The following PIDD1 variants were observed in gnomAD, a reference collection of about 807,000 sequenced individuals.
The protein encoded by PIDD1 is p53-induced death domain-containing protein 1.
In PIDD1, 72 loss-of-function variants were observed where a neutral mutation model predicts 80.0. The observed-to-expected ratio is 0.90, with a 90% CI of 0.74 to 1.09. PIDD1 has a LOEUF of 1.09. PIDD1 is among the 50% of genes least tolerant of loss of function. The pLI is 0.00. For missense variants in PIDD1, 1,329 were observed against 1,228.3 expected (o/e 1.08, Z -1.23); for synonymous variants, 655 against 543.5 (o/e 1.21, Z -2.85).
upstream of PIDD1, among the ~76,000 whole-genome samples, chr11:807,755 C>G (rs1176444247): frequency 6.6e-6 from 1 of 151,978 alleles, no homozygotes; most frequent in Non-Finnish European, 1.5e-5. Flanking sequence ...CCAGCCTGGG[C>G]GGCAGAGCAA....
Position 801,462 on chromosome 11 carries a change from G to A in PIDD1, c.1465C>T (p.Arg489Cys), listed in dbSNP as rs771694039. 9.7e-6 allele frequency: 15 copies of A among 1,545,288 alleles called. No homozygotes were observed. Among genetic ancestry groups the A allele is most frequent in the South Asian group, 1.2e-5 (1 of 81,504 alleles). Reference protein sequence around the residue: ...IFPPGATEEPRRVSMQVVRMA... With the variant: ...IFPPGATEEPCRVSMQVVRMA... ...GGCCATACCTGCATGGAGACTCGAC[G>A]AGGCTCCTCAGTGGCCCCAGGGGGG... Residue 489 changes from arginine (R) to cysteine (C), a missense_variant, in exon 8 of 16, where the codon CGT becomes TGT. Transcript: ENST00000347755.
Position 802,270 on chromosome 11 carries a change from G to T in PIDD1, c.1101C>A (p.Leu367=). 6.2e-7 allele frequency: 1 copy of T among 1,611,810 alleles called. No individual in the cohort carries two copies. Among genetic ancestry groups the T allele is most frequent in the African/African-American group, 1.3e-5 (1 of 75,020 alleles). ...RYRLLLPEPG[L]VPLGPHDALL... The stretch of plus-strand genomic sequence containing the variant: ...GGGCGTCATGAGGACCCAGGGGGAC[G>T]AGGCCTGGCTCCGGCAGCAGCAGCC... Residue 367 remains leucine, a synonymous_variant, in exon 6 of 16, where the codon CTC becomes CTA. Coordinates refer to ENST00000347755, the MANE Select transcript of PIDD1 (RefSeq NM_145886.4).
At position 804,313 on chromosome 11, in the gene PIDD1, C is replaced by T. The variant is rs1317011676; in HGVS notation, c.76G>A (p.Gly26Arg). The T allele has an allele frequency of 1.9e-6, 3 of 1,612,562 alleles. No individual in the cohort carries two copies. In the Admixed American group the frequency reaches 5.0e-5, roughly 27 times the overall value. The change falls in exon 2 of 16, where the codon GGG (glycine) becomes AGG (arginine). Residue 26 changes from glycine (G) to arginine (R), a missense_variant. Coordinates refer to ENST00000347755, the MANE Select transcript of PIDD1 (RefSeq NM_145886.4). ...AGDASEDSDA[G>R]SRALPFLGGN... ...CCCAGGAAAGGCAGCGCCCTGGACCCTGCGTCCGAATCCTCTGAAGCATCT... is the reference window on the plus strand; with the variant it reads ...CCCAGGAAAGGCAGCGCCCTGGACCTTGCGTCCGAATCCTCTGAAGCATCT...
At position 799,484 on chromosome 11, in the gene PIDD1, G is replaced by A. The variant is rs763267001; in HGVS notation, c.2556C>T (p.Leu852=). The A allele has an allele frequency of 6.2e-7, 1 of 1,608,626 alleles. No individual in the cohort carries two copies. The highest frequency in any genetic ancestry group is 8.5e-7 in the Non-Finnish European group (1 of 1,179,874). ...RQAGQPGAVG[L]LVQALEQSDR... is the part of the protein sequence containing the mutation. ...CACTCTGCTCCAGGGCCTGCACCAG[G>A]AGCCCCACAGCCCCTGGCTGCCCAG... Residue 852 remains leucine, a synonymous_variant, in exon 16 of 16, where the codon CTC becomes CTT. Transcript: ENST00000347755.
chr11:803,292 C>T lies in PIDD1; in HGVS notation c.591G>A (p.Gln197=). 6.2e-7 allele frequency: 1 copy of T among 1,613,844 alleles called. No homozygotes were observed. Among genetic ancestry groups the T allele is most frequent in the Non-Finnish European group, 8.5e-7 (1 of 1,179,980 alleles). The stretch of plus-strand genomic sequence containing the variant: ...GCAGATTCTGAGAGAGATCGAGGCG[C>T]TGCAGGGTGGATAGGGCCCCCAGTG... ...PPALGALSTL[Q]RLDLSQNLLD... is the part of the protein sequence containing the mutation. The change falls in exon 3 of 16, where the codon CAG becomes CAA. Residue 197 remains glutamine (Q), a synonymous_variant. Coordinates refer to ENST00000347755, the MANE Select transcript of PIDD1 (RefSeq NM_145886.4).
chr11:804,303 G>C lies in PIDD1; in HGVS notation c.86C>G (p.Ala29Gly). The C allele has an allele frequency of 6.2e-7, 1 of 1,612,796 alleles. No individual in the cohort carries two copies. Among genetic ancestry groups the C allele is most frequent in the Non-Finnish European group, 8.5e-7 (1 of 1,179,898 alleles). ...CCGGTTGCCGCCCAGGAAAGGCAGC[G>C]CCCTGGACCCTGCGTCCGAATCCTC... ...ASEDSDAGSRALPFLGGNRLS... is the reference protein window; with the variant it reads ...ASEDSDAGSRGLPFLGGNRLS... The change falls in exon 2 of 16, where the codon GCG becomes GGG. Residue 29 changes from alanine to glycine, a missense_variant. Ala to Gly is a moderately conservative substitution (Grantham distance 60). Transcript: ENST00000347755.
upstream of PIDD1, chr11:806,238 CT>C (rs1302423370): frequency 6.6e-6 from 1 of 152,372 alleles, no homozygotes; most frequent in Non-Finnish European, 1.5e-5. Context: ...TATTCACCAG[CT>C]TCCTCGCCCA....
chr11:799,573 C>A lies in PIDD1; in HGVS notation c.2475-8G>T. On this transcript the variant is annotated splice_region_variant and splice_polypyrimidine_tract_variant and intron_variant, in intron 15 of 15. Transcript: ENST00000347755. ...TGCTCATCCAGATCATCCCTGCAGG[C>A]AGAGGATGGGCGACAGAGGGGTCCT... 1 of 1,588,974 alleles carries A rather than the reference C, an allele frequency of 6.3e-7. No homozygotes were observed. The highest frequency in any genetic ancestry group is 1.7e-4 in the Middle Eastern group (1 of 6,024).
upstream of PIDD1, among the ~76,000 whole-genome samples, chr11:807,504 G>C (rs541904593): frequency 6.6e-6 from 1 of 151,358 alleles, no homozygotes; most frequent in South Asian, 2.1e-4. Context: ...TAGGCCGGGC[G>C]TGGTGGCTCA....
intron 3 of PIDD1, 47 bp downstream of exon 3, chr11:803,127 G>T: frequency 7.2e-7 from 1 of 1,387,640 alleles, no homozygotes; most frequent in South Asian, 1.3e-5. Context: ...GCAGGCTTCA[G>T]GGACCCTCCC....
rs1865700131 is a variant in PIDD1 at position 805,192 on chromosome 11, G to A, written c.-89C>T. ...GCCGGCGCGTACCTGCGCTGCAGGC[G>A]GCGCGCAAAGGGTGGCTGCTCAGCG... On this transcript the variant is annotated 5_prime_UTR_variant, in exon 1 of 16. Coordinates refer to ENST00000347755, the MANE Select transcript of PIDD1 (RefSeq NM_145886.4). 1.5e-5 allele frequency: 15 copies of A among 984,366 alleles called. No homozygotes were observed. The South Asian group carries it at 4.7e-4, about 31-fold the overall frequency. The allele number at this position is 984,366 out of a possible 1,614,324, so 61.0% of individuals were successfully genotyped here. A position where few individuals can be genotyped will look rare whatever the true frequency, so the allele number is the denominator to read the frequency against.
Position 800,405 on chromosome 11 carries a change from C to T in PIDD1, c.2088G>A (p.Ser696=), listed in dbSNP as rs765203259. The change falls in exon 13 of 16, where the codon TCG becomes TCA. Residue 696 remains serine (S), a synonymous_variant. Transcript: ENST00000347755. ...VEGRICFVFY[S]HLKNVKEVYV... The stretch of plus-strand genomic sequence containing the variant: ...ATACCTCCTTCACATTCTTCAGGTG[C>T]GAGTAGAAGACAAAGCAGATTCTGC... 3.7e-6 allele frequency: 6 copies of T among 1,612,716 alleles called. No individual in the cohort carries two copies. The highest frequency in any genetic ancestry group is 3.3e-5 in the South Asian group (3 of 91,080).
upstream of PIDD1, chr11:805,486 G>A: frequency 2.2e-6 from 1 of 453,570 alleles, no homozygotes; most frequent in Non-Finnish European, 2.9e-6. Flanking sequence ...AGCCTCCCCC[G>A]CCCGGAAGGC....
At position 799,600 on chromosome 11, in the gene PIDD1, T is replaced by TCCACCTG. The variant is rs1865055029; in HGVS notation, c.2475-42_2475-36dup. 3 of 1,559,966 alleles carry TCCACCTG rather than the reference T, an allele frequency of 1.9e-6. No homozygotes were observed. In the African/African-American group the frequency reaches 4.0e-5, roughly 21 times the overall value. ...GAGGATGGGCGACAGAGGGGTCCTG[T>TCCACCTG]CCACCTGCCCAGGACCCCCCACCAC... On this transcript the variant is annotated intron_variant, in intron 15 of 15. Coordinates refer to ENST00000347755, the MANE Select transcript of PIDD1 (RefSeq NM_145886.4).
rs747463685 is a variant in PIDD1, at chr11:799,855, C to A, written c.2434G>T (p.Val812Leu). ...ATGCGCTGCACCTCCCGGTAGGACA[C>A]CCCCAGGTGCAGGGCCACGGCTGGC... ...DWPAVALHLG[V>L]SYREVQRIRH... is the part of the protein sequence containing the mutation. The change falls in exon 15 of 16, where the codon GTG (valine) becomes TTG (leucine). Residue 812 changes from valine (V) to leucine (L), a missense_variant. Transcript: ENST00000347755. The A allele has an allele frequency of 2.5e-6, 4 of 1,608,286 alleles. No homozygotes were observed. The highest frequency in any genetic ancestry group is 3.4e-6 in the Non-Finnish European group (4 of 1,178,306).
At chr11:803,887 G>T in intron 2 of PIDD1, 1 of 661,222 alleles carries the variant, frequency 1.5e-6, no homozygotes, top group Non-Finnish European at 2.5e-6. Flanking sequence ...CCAGGAGCCA[G>T]GGCCCAGCCA....
intron 3 of PIDD1, 104 bp from the exon 4 acceptor site, chr11:802,995 G>C: frequency 9.0e-7 from 1 of 1,109,998 alleles, no homozygotes; most frequent in Non-Finnish European, 1.3e-6. Flanking sequence ...CTCCTCCACA[G>C]CTGGGCTCAG....
Position 801,580 on chromosome 11 carries a change from A to T in PIDD1, c.1347T>A (p.Leu449=), listed in dbSNP as rs371281382. Residue 449 remains leucine, a synonymous_variant, in exon 8 of 16, where the codon CTT becomes CTA. Transcript: ENST00000347755. ...CATTGGACACAGGGCGGGAAACCAC[A>T]AGGAACCAGGAGAAGTGGGGCACCT... The part of the protein sequence containing the change: ...HCQVPHFSWF[L]VVSRPVSNAC... 1.9e-6 allele frequency: 3 copies of T among 1,568,592 alleles called. No individual in the cohort carries two copies. Among genetic ancestry groups the T allele is most frequent in the Non-Finnish European group, 2.6e-6 (3 of 1,156,944 alleles).
Position 800,118 on chromosome 11 carries a change from C to G in PIDD1, c.2274+13G>C. 1 of 1,608,916 alleles carries G rather than the reference C, an allele frequency of 6.2e-7. No individual in the cohort carries two copies. The highest frequency in any genetic ancestry group is 1.7e-5 in the Admixed American group (1 of 59,448). On this transcript the variant is annotated intron_variant, in intron 14 of 15. Transcript: ENST00000347755. ...CGGTCCTGCCCCGCCCCTCTGCTGT[C>G]CCTCAGTCCCACCGGCAGCTTGATG... is the stretch of plus-strand genomic sequence containing the variant.
Sources: allele counts gnomAD v4.1 joint callset (sites outside exome capture counted in the v4.1 genomes callset), GRCh38; gene constraint gnomAD v4.1.1; transcripts MANE v1.5; gene names NCBI Gene and HGNC (gene_info 2026-07-23, HGNC 2026-07-21).